The following AP3D1 variants were observed in gnomAD, a reference collection of about 807,000 sequenced individuals.
AP3D1 encodes the protein AP-3 complex subunit delta-1.
A neutral mutation model predicts 147.6 loss-of-function variants in AP3D1; 51 were observed. The ratio of observed to expected loss-of-function variants is 0.35; its 90% CI spans 0.28 to 0.44. AP3D1 has a LOEUF of 0.44. AP3D1 is among the 20% of genes least tolerant of loss of function. AP3D1 has a pLI of 1.00. For missense variants in AP3D1, 1,421 were observed against 1,624.2 expected, an observed-to-expected ratio of 0.87 and a Z score of 2.15; for synonymous variants, 760 against 663.0, an observed-to-expected ratio of 1.15 and a Z score of -2.25.
At chr19:2,109,328 G>A (rs777850159) in intron 29 of AP3D1, 121 bp from the exon 30 acceptor site, 47 of 1,328,456 alleles carry the variant, frequency 3.5e-5, no homozygotes, top group Non-Finnish European at 4.2e-5. Context: ...TGTCTGGGCC[G>A]GGAGGTCTTG....
intron 1 of AP3D1, among the ~76,000 whole-genome samples, chr19:2,149,460 T>C (rs1405175835): frequency 6.6e-6 from 1 of 151,652 alleles, no homozygotes; most frequent in Non-Finnish European, 1.5e-5. Flanking sequence ...GGAGAATCGC[T>C]TGAACCTGGG....
At chr19:2,115,955 C>T (rs541360568) in intron 18 of AP3D1, among the ~76,000 whole-genome samples, 36 of 152,378 alleles carry the variant, frequency 2.4e-4, no homozygotes, top group African/African-American at 8.4e-4. Context: ...AGGTTGCCCA[C>T]GACCGTGGGG....
chr19:2,151,120 G>A (rs1332614279), intron 1 of AP3D1, 119 bp downstream of exon 1: 3 of 934,230 alleles, frequency 3.2e-6, no homozygotes, highest in South Asian at 1.8e-5. Context: ...CCCTAAGCGG[G>A]ACCTCCAACT....
rs1187208894 is a variant in AP3D1, at chr19:2,111,278, C to T, written c.2985+7G>A. ...CCACCCTGCCCCTGGGAGCGGCTGC[C>T]ACTCACCATTTTAACATAGGAATTT... On this transcript the variant is annotated splice_region_variant and intron_variant, in intron 26 of 31. Coordinates refer to ENST00000643116, the MANE Select transcript of AP3D1 (RefSeq NM_001261826.3). 1.2e-6 allele frequency: 2 copies of T among 1,613,986 alleles called. No homozygotes were observed. Among genetic ancestry groups the T allele is most frequent in the South Asian group, 2.2e-5 (2 of 91,086 alleles).
Position 2,114,188 on chromosome 19 carries a change from C to A in AP3D1, c.2538G>T (p.Lys846Asn). 7 of 1,605,708 alleles carry A rather than the reference C, an allele frequency of 4.4e-6. No homozygotes were observed. The highest frequency in any genetic ancestry group is 1.7e-6 in the Non-Finnish European group (2 of 1,175,898). ...CTTTCTCTTTGTGTTTTTTCTCTTT[C>A]TTCTTGGGTTTCTTGCTCTTCTTTT... ...MVEKKSKKPK[K>N]KEKKHKEKER... Residue 846 changes from lysine (K) to asparagine (N), a missense_variant, in exon 22 of 32, where the codon AAG becomes AAT. By Grantham distance (94) the Lys-to-Asn change is moderately conservative (BLOSUM62 0). Transcript: ENST00000643116.
At chr19:2,109,845 G>C (rs1180186688) in intron 29 of AP3D1, 28 bp downstream of exon 29, 1 of 1,607,726 alleles carries the variant, frequency 6.2e-7, no homozygotes, top group East Asian at 2.2e-5. Flanking sequence ...GGGGTTCGGG[G>C]ACATAGGGGA....
At chr19:2,153,243 G>C (rs2019602571), upstream of AP3D1, among the ~76,000 whole-genome samples, 1 of 151,176 alleles carries the variant, frequency 6.6e-6, no homozygotes, top group South Asian at 2.1e-4. Context: ...ACGTGGTGGA[G>C]GGCACCTGTA....
intron 1 of AP3D1, among the ~76,000 whole-genome samples, chr19:2,140,809 A>G (rs1055488592): frequency 7.7e-5 from 10 of 129,190 alleles, no homozygotes; most frequent in African/African-American, 2.7e-4. Context: ...GCCAGGCTGG[A>G]GTGCAGTGGC....
At chr19:2,154,961 C>G (rs1215313316), upstream of AP3D1, among the ~76,000 whole-genome samples, 3 of 152,154 alleles carry the variant, frequency 2.0e-5, no homozygotes, top group Non-Finnish European at 4.4e-5. Flanking sequence ...GGGTGGATCA[C>G]CTGAGGTCAG....
chr19:2,154,305 A>G (rs546095143), upstream of AP3D1, among the ~76,000 whole-genome samples: 542 of 144,006 alleles, frequency 3.8e-3, 3 homozygotes, highest in Admixed American at 6.3e-3. Flanking sequence ...TTTTTGAGAC[A>G]GTCTCATTCT....
rs773080557 is a variant in AP3D1, at chr19:2,115,209, C to G, written c.2349+10G>C. 6.2e-7 allele frequency: 1 copy of G among 1,609,856 alleles called. No individual in the cohort carries two copies. Among genetic ancestry groups the G allele is most frequent in the Non-Finnish European group, 8.5e-7 (1 of 1,177,692 alleles). On this transcript the variant is annotated intron_variant, in intron 20 of 31. Transcript: ENST00000643116. ...GACATCCTAGGACCGGGACCTCCAGCGAGGCTGACCTCAGGCATCTCCTCT... is the reference window on the plus strand; with the variant it reads ...GACATCCTAGGACCGGGACCTCCAGGGAGGCTGACCTCAGGCATCTCCTCT...
chr19:2,136,351 C>T (rs2019076903), intron 4 of AP3D1, among the ~76,000 whole-genome samples: 1 of 152,224 alleles, frequency 6.6e-6, no homozygotes, highest in Admixed American at 6.5e-5. Flanking sequence ...CCACAGGGTC[C>T]CGCCCTTGCA....
chr19:2,135,534 T>TCAAAACAAAA (rs745553858), intron 4 of AP3D1, among the ~76,000 whole-genome samples: 1 of 151,454 alleles, frequency 6.6e-6, no homozygotes, highest in African/African-American at 2.5e-5. Context: ...AGACTCAGTC[T>TCAAAACAAAA]CAAAACAAAA....
chr19:2,148,532 T>C (rs1442122895), intron 1 of AP3D1, among the ~76,000 whole-genome samples: 2 of 152,242 alleles, frequency 1.3e-5, no homozygotes, highest in Non-Finnish European at 2.9e-5. Context: ...GGTCACAGCC[T>C]GAGGACTGGA....
chr19:2,120,137 G>A lies in AP3D1; in HGVS notation c.1481+725C>T, dbSNP rs193246097. Among the ~76,000 whole-genome samples, 11 of 152,264 alleles carry A rather than the reference G, an allele frequency of 7.2e-5. No homozygotes were observed. The East Asian group carries it at 1.2e-3, about 16-fold the overall frequency. On this transcript the variant is annotated intron_variant, in intron 14 of 31. Coordinates refer to ENST00000643116, the MANE Select transcript of AP3D1 (RefSeq NM_001261826.3). The stretch of plus-strand genomic sequence containing the variant: ...CAGTGGTGGTGATGGGGCCGGGCCC[G>A]AGGCAGTGAGGCATAGCAGCAAATC...
rs754359489 is a variant in AP3D1 at position 2,116,652 on chromosome 19, G to A, written c.1954C>T (p.Arg652Cys). Residue 652 changes from arginine (R) to cysteine (C), a missense_variant, in exon 17 of 32, where the codon CGT becomes TGT. Coordinates refer to ENST00000643116, the MANE Select transcript of AP3D1 (RefSeq NM_001261826.3). ...GCCTCCGACGGCCGGTGCTTGGGAC[G>A]CCGCTGCTCCTCCTCGTGGAAGACG... ...RAVFHEEEQR[R>C]PKHRPSEADE... The A allele has an allele frequency of 6.9e-6, 11 of 1,604,486 alleles. No homozygotes were observed. The highest frequency in any genetic ancestry group is 7.7e-6 in the Non-Finnish European group (9 of 1,175,960).
intron 11 of AP3D1, among the ~76,000 whole-genome samples, chr19:2,122,578 C>A (rs1455196202): frequency 2.6e-5 from 4 of 152,208 alleles, no homozygotes; most frequent in Non-Finnish European, 5.9e-5. Flanking sequence ...CACGTCTGTG[C>A]CTATGGCGAA....
chr19:2,119,292 C>T (rs933941088), intron 14 of AP3D1, among the ~76,000 whole-genome samples: 5 of 152,188 alleles, frequency 3.3e-5, no homozygotes, highest in Non-Finnish European at 5.9e-5. Context: ...GGTGTGGTGG[C>T]TCACGCCTAT....
chr19:2,114,460 TGGA>T (rs2018382652), intron 21 of AP3D1, among the ~76,000 whole-genome samples, 158 bp from the exon 22 acceptor site: 1 of 152,166 alleles, frequency 6.6e-6, no homozygotes, highest in African/African-American at 2.4e-5. Context: ...CACAGCCTGC[TGGA>T]GGCTCTCATG....
Sources: gnomAD v4.1 joint callset for allele counts (sites outside exome capture counted in the v4.1 genomes callset) on GRCh38, gnomAD v4.1.1 for gene constraint, MANE v1.5 for transcripts, NCBI Gene and HGNC (gene_info 2026-07-23, HGNC 2026-07-21) for gene names.